Variants in LCORL observed in about 807,000 individuals in gnomAD.
LCORL encodes ligand-dependent nuclear receptor corepressor-like protein.
In LCORL, 41 loss-of-function variants were observed where a neutral mutation model predicts 141.8. The ratio of observed to expected loss-of-function variants is 0.29; its 90% CI spans 0.23 to 0.38. The LOEUF (loss-of-function observed/expected upper bound fraction) is 0.38, where lower values mean the gene tolerates loss of function less well. Ranked by LOEUF, LCORL falls within the 10% of genes least tolerant of loss-of-function variation. LCORL has a pLI of 1.00. For missense variants in LCORL, 1,759 were observed against 2,035.0 expected (o/e 0.86, Z 2.61); for synonymous variants, 618 against 694.1 (o/e 0.89, Z 1.72).
At chr4:17,985,949 G>A (rs906444461) in intron 1 of LCORL, among the ~76,000 whole-genome samples, 1 of 152,082 alleles carries the variant, frequency 6.6e-6, no homozygotes, top group Non-Finnish European at 1.5e-5. Flanking sequence ...TTGTAAGGCA[G>A]GTCTGATAGT....
chr4:17,996,895 G>T (rs113183993), intron 1 of LCORL, among the ~76,000 whole-genome samples: 2,179 of 152,144 alleles, frequency 0.014, 19 homozygotes, highest in Middle Eastern at 0.02. Flanking sequence ...GTTCTCTACT[G>T]TCTACAAAAT....
intron 7 of LCORL, among the ~76,000 whole-genome samples, chr4:17,871,633 A>C (rs1726343055): frequency 6.6e-6 from 1 of 152,004 alleles, no homozygotes; most frequent in Non-Finnish European, 1.5e-5. Flanking sequence ...GGATGATATA[A>C]AGAATTAAAA....
chr4:17,983,506 T>C (rs527503325), intron 1 of LCORL, among the ~76,000 whole-genome samples: 12 of 152,312 alleles, frequency 7.9e-5, no homozygotes, highest in Admixed American at 6.5e-4. Context: ...TATTCCCGGA[T>C]ATTTTATTCT....
intron 4 of LCORL, among the ~76,000 whole-genome samples, chr4:17,917,202 TG>T (rs754098824): frequency 2.6e-4 from 39 of 151,750 alleles, no homozygotes; most frequent in Non-Finnish European, 4.7e-4. Flanking sequence ...TTTTTTGTTT[TG>T]TTTTGTTTTT....
At chr4:17,848,604 C>A (rs1267672110) in intron 7 of LCORL, among the ~76,000 whole-genome samples, 1 of 152,244 alleles carries the variant, frequency 6.6e-6, no homozygotes, top group African/African-American at 2.4e-5. Flanking sequence ...GTGAGCGACG[C>A]AGAAGACGAG....
At chr4:17,848,071 C>T (rs545916589) in intron 7 of LCORL, among the ~76,000 whole-genome samples, 2 of 152,020 alleles carry the variant, frequency 1.3e-5, no homozygotes, top group Non-Finnish European at 2.9e-5. Context: ...AAACATACGG[C>T]GGTTTTCTTA....
chr4:17,968,220 A>G (rs1715293785), intron 2 of LCORL, among the ~76,000 whole-genome samples: 1 of 152,198 alleles, frequency 6.6e-6, no homozygotes, highest in Admixed American at 6.5e-5. Flanking sequence ...ATTAAAAGTA[A>G]TGGCAAAAAT....
chr4:17,909,062 A>G, intron 5 of LCORL, 32 bp downstream of exon 5: 2 of 1,535,112 alleles, frequency 1.3e-6, no homozygotes, highest in Non-Finnish European at 1.8e-6. Flanking sequence ...AAAACATCAA[A>G]TTATATATTA....
intron 5 of LCORL, among the ~76,000 whole-genome samples, chr4:17,888,937 T>C (rs1157313591): frequency 1.3e-5 from 2 of 152,126 alleles, no homozygotes; most frequent in African/African-American, 4.8e-5. Flanking sequence ...TTCCCCTAAG[T>C]CTGTTACTCT....
At chr4:17,916,346 A>G (rs1733405590) in intron 4 of LCORL, among the ~76,000 whole-genome samples, 1 of 152,292 alleles carries the variant, frequency 6.6e-6, no homozygotes, top group Admixed American at 6.5e-5. Flanking sequence ...AAGCATCAAG[A>G]CCTACATCAA....
At chr4:17,937,208 T>A (rs974095992) in intron 4 of LCORL, among the ~76,000 whole-genome samples, 1 of 152,100 alleles carries the variant, frequency 6.6e-6, no homozygotes, top group African/African-American at 2.4e-5. Context: ...TTCTGAAAAA[T>A]TTTGCCAACA....
rs1727958139 is a variant in LCORL, at chr4:17,884,070, A to G, written c.776+1998T>C. 1 of 1,550,566 alleles carries G rather than the reference A, an allele frequency of 6.4e-7. No individual in the cohort carries two copies. Among genetic ancestry groups the G allele is most frequent in the Admixed American group, 2.0e-5 (1 of 50,894 alleles). On this transcript the variant is annotated intron_variant, in intron 6 of 7. Transcript: ENST00000635767. This position sits in a 1 kb window ranked among gnomAD's most constrained non-coding sequence, Gnocchi z 4.4. ...GTTCCATTTTTAGAATTAAGACACAAAGGAGAGAGGTCCCCATGTAGAAAG... is the reference window on the plus strand; with the variant it reads ...GTTCCATTTTTAGAATTAAGACACAGAGGAGAGAGGTCCCCATGTAGAAAG...
Position 18,021,499 on chromosome 4 carries a change from C to G in LCORL, c.154+99G>C. ...ATCTCGCTCCCCCACCGAACTAACC[C>G]GAACGGGAGATTCAACTAAACCCCT... On this transcript the variant is annotated intron_variant, in intron 1 of 7. Coordinates refer to ENST00000635767, the Ensembl canonical transcript of LCORL. The surrounding 1 kb of genome is among the most constrained non-coding windows in gnomAD (Gnocchi z 5.5). 2.8e-6 allele frequency: 3 copies of G among 1,083,098 alleles called. No individual in the cohort carries two copies. The highest frequency in any genetic ancestry group is 3.8e-6 in the Non-Finnish European group (3 of 786,932). The allele number at this position is 1,083,098 out of a possible 1,614,324, so 67.1% of individuals were successfully genotyped here.
chr4:17,842,717 G>T (rs1387790248), exon 8 of LCORL: 1 of 207,054 alleles, frequency 4.8e-6, no homozygotes, highest in Non-Finnish European at 9.8e-6. Flanking sequence ...CATACTGATA[G>T]AATAATTCTG....
At chr4:17,934,120 T>C (rs1444341974) in intron 4 of LCORL, among the ~76,000 whole-genome samples, 2 of 152,068 alleles carry the variant, frequency 1.3e-5, no homozygotes, top group Non-Finnish European at 2.9e-5. Flanking sequence ...GGAAGTGATA[T>C]ATTATGCATG....
chr4:17,923,293 T>C (rs1734587100), intron 4 of LCORL, among the ~76,000 whole-genome samples: 3 of 152,182 alleles, frequency 2.0e-5, no homozygotes, highest in Admixed American at 2.0e-4. Context: ...TGTTGCAGCT[T>C]GGGGAGTTAA....
intron 5 of LCORL, among the ~76,000 whole-genome samples, chr4:17,898,740 A>T (rs1730391429): frequency 6.9e-6 from 1 of 144,696 alleles, no homozygotes; most frequent in African/African-American, 2.6e-5. Flanking sequence ...GGATATTTGG[A>T]TTATTTCCAA....
At chr4:17,982,245 C>T (rs1174450810) in intron 1 of LCORL, among the ~76,000 whole-genome samples, 1 of 151,798 alleles carries the variant, frequency 6.6e-6, no homozygotes, top group Non-Finnish European at 1.5e-5. Flanking sequence ...CATATGCGTG[C>T]ATGTGTCTTT....
chr4:17,947,929 G>A (rs1249776390), intron 4 of LCORL, among the ~76,000 whole-genome samples: 1 of 151,906 alleles, frequency 6.6e-6, no homozygotes, highest in African/African-American at 2.4e-5. Context: ...AAGAAAAACA[G>A]GAAAGGAATC....
Sources: allele counts gnomAD v4.1 joint callset (sites outside exome capture counted in the v4.1 genomes callset), GRCh38; gene constraint gnomAD v4.1.1; non-coding constraint Gnocchi (gnomAD v3.1); transcripts MANE v1.5; gene names NCBI Gene and HGNC (gene_info 2026-07-23, HGNC 2026-07-21).